The following RPN1 variants were observed in gnomAD, a reference collection of about 807,000 sequenced individuals.
RPN1 encodes ribophorin I, also known as dolichyl-diphosphooligosaccharide--protein glycosyltransferase subunit 1.
In RPN1, 12 loss-of-function variants were observed where a neutral mutation model predicts 55.5. The ratio of observed to expected loss-of-function variants is 0.22; its 90% confidence interval spans 0.14 to 0.35. RPN1 has a LOEUF of 0.35. Among genes scored for constraint, RPN1 ranks in the 10% least tolerant of loss-of-function variants. The pLI is 1.00. For synonymous variants in RPN1, 317 were observed against 305.9 expected (o/e 1.04, Z -0.38); for missense variants, 679 against 761.3 (o/e 0.89, Z 1.27).
chr3:128,631,610 T>G (rs1462575090), intron 4 of RPN1, among the ~76,000 whole-genome samples: 3 of 152,058 alleles, frequency 2.0e-5, no homozygotes, highest in Non-Finnish European at 4.4e-5. Flanking sequence ...GGTGTAGTGG[T>G]GCATGCGTGT....
intron 1 of RPN1, among the ~76,000 whole-genome samples, chr3:128,650,114 C>A (rs926590217): frequency 4.6e-5 from 7 of 152,234 alleles, no homozygotes; most frequent in Non-Finnish European, 7.3e-5. Flanking sequence ...TGAAGTCTGG[C>A]GCCCGCTGGC....
chr3:128,644,439 T>C, intron 2 of RPN1: 1 of 290,842 alleles, frequency 3.4e-6, no homozygotes, highest in Non-Finnish European at 6.8e-6. Context: ...AGGACAGGAG[T>C]TCAAGACCAG....
intron 1 of RPN1, among the ~76,000 whole-genome samples, chr3:128,649,111 G>A (rs1453404271): frequency 1.3e-5 from 2 of 152,182 alleles, no homozygotes; most frequent in Non-Finnish European, 1.5e-5. Context: ...GGAAACTTCT[G>A]GAGGTGACAG....
At chr3:128,630,599 T>C (rs1211011885) in intron 4 of RPN1, among the ~76,000 whole-genome samples, 1 of 152,188 alleles carries the variant, frequency 6.6e-6, no homozygotes, top group Non-Finnish European at 1.5e-5. Context: ...AATACCTTTG[T>C]TCACATACTG....
chr3:128,649,463 T>C (rs2069797079), intron 1 of RPN1, among the ~76,000 whole-genome samples: 2 of 152,212 alleles, frequency 1.3e-5, no homozygotes, highest in African/African-American at 2.4e-5. Flanking sequence ...CTTTATTTCA[T>C]CATGGACAAC....
At position 128,632,112 on chromosome 3, in the gene RPN1, T is replaced by TG. The variant is rs2069646908; in HGVS notation, c.678dup (p.Ile227HisfsTer9). 1.2e-6 allele frequency: 2 copies of TG among 1,614,202 alleles called. No individual in the cohort carries two copies. Among genetic ancestry groups the TG allele is most frequent in the Non-Finnish European group, 1.7e-6 (2 of 1,180,038 alleles). The stretch of plus-strand genomic sequence containing the variant: ...TCAATGACTCGGGTCATGCTGGTGA[T>TG]GGTCAGGAAAGGGCTGTTGTTCTCA... On this transcript the variant is annotated frameshift_variant, in exon 4 of 10. Transcript: ENST00000296255. LOFTEE classifies it high-confidence loss of function.
chr3:128,633,374 A>G (rs938714421), intron 3 of RPN1, among the ~76,000 whole-genome samples: 1 of 151,900 alleles, frequency 6.6e-6, no homozygotes, highest in Admixed American at 6.6e-5. Flanking sequence ...TTCCAGGTGC[A>G]TGCCACCACG....
intron 1 of RPN1, among the ~76,000 whole-genome samples, chr3:128,645,332 TG>T (rs2069758432): frequency 2.0e-5 from 3 of 151,942 alleles, no homozygotes; most frequent in Non-Finnish European, 1.5e-5. Context: ...TAGCTAGGCA[TG>T]GTGGCACATG....
At chr3:128,635,690 T>TACACACAC (rs71153135) in intron 3 of RPN1, among the ~76,000 whole-genome samples, 2,277 of 138,170 alleles carry the variant, frequency 0.016, 38 homozygotes, top group Middle Eastern at 0.027. Flanking sequence ...TCTATAGATA[T>TACACACAC]ACACACACAC....
intron 4 of RPN1, among the ~76,000 whole-genome samples, chr3:128,631,191 C>T (rs138298999): frequency 0.013 from 1,947 of 145,888 alleles, 40 homozygotes; most frequent in African/African-American, 0.045. Flanking sequence ...GAGGCCAAGG[C>T]GGCCGGGCGC....
In RPN1 at chr3:128,620,091, T is replaced by C. The variant is rs2069547267; in HGVS notation, c.*320A>G. On this transcript the variant is annotated 3_prime_UTR_variant, in exon 10 of 10. Coordinates refer to ENST00000296255, the MANE Select transcript of RPN1 (RefSeq NM_002950.4). ...TTAGAAGGGCATAAAACAGGGGGCT[T>C]TATAGGCTGAAAAATATCTTAGACT... 1 of 251,560 alleles carries C rather than the reference T, an allele frequency of 4.0e-6. No individual in the cohort carries two copies. The allele number at this position is 251,560 out of a possible 1,614,324, so 15.6% of individuals were successfully genotyped here.
rs1158376265 is a variant in RPN1 at position 128,650,622 on chromosome 3, C to T, written c.179G>A (p.Gly60Asp). The change falls in exon 1 of 10, where the codon GGC becomes GAC. Residue 60 changes from glycine to aspartate, a missense_variant. This residue lies in a region of RPN1 where 352 missense variants were observed against 352.8 expected (regional missense o/e 1.00). Coordinates refer to ENST00000296255, the MANE Select transcript of RPN1 (RefSeq NM_002950.4). ...TAEVVLAHLG[G>D]GSTSRATSFL... Reference sequence around the variant, plus strand: ...AGAGGTAGCTCGGGACGTGGAGCCGCCGCCCAGGTGCGCCAGGACCACCTC... The same window carrying T: ...AGAGGTAGCTCGGGACGTGGAGCCGTCGCCCAGGTGCGCCAGGACCACCTC... The T allele has an allele frequency of 1.3e-6, 2 of 1,552,554 alleles. No individual in the cohort carries two copies. The highest frequency in any genetic ancestry group is 1.7e-6 in the Non-Finnish European group (2 of 1,147,988).
intron 8 of RPN1, among the ~76,000 whole-genome samples, chr3:128,624,021 A>G (rs984307595): frequency 6.6e-6 from 1 of 151,644 alleles, no homozygotes; most frequent in Non-Finnish European, 1.5e-5. Context: ...ACACACACAC[A>G]CAGTTATTCC....
At chr3:128,622,069 A>C in intron 9 of RPN1, 95 bp downstream of exon 9, 1 of 1,204,538 alleles carries the variant, frequency 8.3e-7, no homozygotes, top group South Asian at 1.3e-5. Flanking sequence ...ACAAGCATGC[A>C]GGTAAGCAAG....
chr3:128,640,833 A>C (rs2069719022), intron 2 of RPN1, among the ~76,000 whole-genome samples: 1 of 151,832 alleles, frequency 6.6e-6, no homozygotes, highest in Admixed American at 6.6e-5. Context: ...TCTTCCTATT[A>C]ATCTCCTAAT....
In RPN1 at chr3:128,631,940, T is replaced by C. The variant is rs1576794699; in HGVS notation, c.843+8A>G. ...TTTCTCACAATGTCCAAGTTGAACA[T>C]TCCATACCTTAAAAGAACGGATGGA... On this transcript the variant is annotated splice_region_variant and intron_variant, in intron 4 of 9. Transcript: ENST00000296255. 1 of 1,613,992 alleles carries C rather than the reference T, an allele frequency of 6.2e-7. No homozygotes were observed.
In RPN1 at chr3:128,647,791, T is replaced by G. The variant is rs578077882; in HGVS notation, c.261+2749A>C. On this transcript the variant is annotated intron_variant, in intron 1 of 9. Coordinates refer to ENST00000296255, the MANE Select transcript of RPN1 (RefSeq NM_002950.4). ...GACTTATTTGTTTTATTGAAAAATA[T>G]TGTTACTTAATAAAATATTAGCATG... 1.1e-4 allele frequency among the ~76,000 whole-genome samples: 16 copies of G among 152,110 alleles called. No homozygotes were observed. The East Asian group carries it at 3.1e-3, about 29-fold the overall frequency.
Position 128,650,747 on chromosome 3 carries a change from G to A in RPN1, c.54C>T (p.Ala18=), listed in dbSNP as rs373984573. 3 of 1,552,140 alleles carry A rather than the reference G, an allele frequency of 1.9e-6. No homozygotes were observed. Among genetic ancestry groups the A allele is most frequent in the African/African-American group, 1.4e-5 (1 of 73,392 alleles). Residue 18 remains alanine (A), a synonymous_variant, in exon 1 of 10, where the codon GCC becomes GCT. Transcript: ENST00000296255. ...CGGAGGAGGCGCTGCCCGGCGCCGG[G>A]GCCCAAGTCCCAAGCAACAGGAGCA... ...LFLLLLLGTW[A]PAPGSASSEA... is the part of the protein sequence containing the mutation.
chr3:128,624,442 T>C (rs2069584065), intron 8 of RPN1, among the ~76,000 whole-genome samples: 2 of 149,464 alleles, frequency 1.3e-5, no homozygotes, highest in African/African-American at 5.0e-5. Context: ...AGCGCACCAC[T>C]GCACTCCAGC....
Sources: gnomAD v4.1 joint callset for allele counts (sites outside exome capture counted in the v4.1 genomes callset) on GRCh38, gnomAD v4.1.1 for gene constraint, gnomAD v4.1.1 regional missense constraint, MANE v1.5 for transcripts, NCBI Gene and HGNC (gene_info 2026-07-23, HGNC 2026-07-21) for gene names.